Variants in PTPRC observed in about 807,000 individuals in gnomAD.
The protein encoded by PTPRC is protein tyrosine phosphatase receptor type C.
Under a neutral mutation model 155.9 loss-of-function variants are expected in PTPRC, and 44 were observed. The ratio of observed to expected loss-of-function variants is 0.28; its 90% CI spans 0.22 to 0.36. The LOEUF is 0.36. Among genes scored for constraint, PTPRC ranks in the 10% least tolerant of loss-of-function variants. The pLI is 1.00. For missense variants in PTPRC, 1,401 were observed against 1,564.6 expected, an observed-to-expected ratio of 0.90 and a Z score of 1.76; for synonymous variants, 525 against 533.1, an observed-to-expected ratio of 0.98 and a Z score of 0.21.
rs144979208 is a variant in PTPRC at position 198,705,672 on chromosome 1, C to T, written c.686-1062C>T. Among the ~76,000 whole-genome samples the T allele has an allele frequency of 1.7e-4, 26 of 152,016 alleles. 1 individual carries two copies. In the East Asian group the frequency reaches 3.9e-3, roughly 23 times the overall value. ...CTGACCTCAGGTGATCAACCTGACT[C>T]GGCCTTCCAAAATGCTAGGATTACA... On this transcript the variant is annotated intron_variant, in intron 8 of 32. Transcript: ENST00000442510.
chr1:198,710,831 A>G (rs1245564213), intron 11 of PTPRC, among the ~76,000 whole-genome samples: 4 of 152,206 alleles, frequency 2.6e-5, no homozygotes, highest in African/African-American at 9.6e-5. Context: ...TTTTTGACAA[A>G]ACTTATAAAT....
intron 2 of PTPRC, among the ~76,000 whole-genome samples, chr1:198,683,792 C>T (rs755325848): frequency 9.2e-5 from 14 of 152,018 alleles, no homozygotes; most frequent in Non-Finnish European, 1.6e-4. Flanking sequence ...TGGTTACACA[C>T]ACATAAATAT....
intron 15 of PTPRC, among the ~76,000 whole-genome samples, chr1:198,725,972 T>C (rs1284254288): frequency 6.6e-6 from 1 of 152,204 alleles, no homozygotes; most frequent in Non-Finnish European, 1.5e-5. Context: ...CATTTTCAGT[T>C]TTTTAATATT....
intron 2 of PTPRC, among the ~76,000 whole-genome samples, chr1:198,691,203 T>C (rs1239409176): frequency 6.6e-6 from 1 of 152,096 alleles, no homozygotes; most frequent in African/African-American, 2.4e-5. Context: ...TGCTGATCTA[T>C]AGCATCAGCC....
intron 2 of PTPRC, among the ~76,000 whole-genome samples, chr1:198,676,476 G>A (rs1664959481): frequency 6.6e-6 from 1 of 152,154 alleles, no homozygotes; most frequent in Non-Finnish European, 1.5e-5. Context: ...CCAAGAAAAT[G>A]GGTTTCTGAG....
At chr1:198,741,436 T>C (rs1280268481) in intron 23 of PTPRC, among the ~76,000 whole-genome samples, 4 of 151,858 alleles carry the variant, frequency 2.6e-5, no homozygotes, top group Non-Finnish European at 5.9e-5. Flanking sequence ...CAAGCAGAAG[T>C]ATTTTAAACA....
At chr1:198,657,904 A>C (rs1278514036) in intron 2 of PTPRC, 1 of 152,152 alleles carries the variant, frequency 6.6e-6, no homozygotes, top group Non-Finnish European at 1.5e-5. Flanking sequence ...CATTTGTGGC[A>C]TCTCTTCCAC....
intron 2 of PTPRC, among the ~76,000 whole-genome samples, chr1:198,669,614 TC>T (rs1273494374): frequency 6.6e-6 from 1 of 152,132 alleles, no homozygotes; most frequent in African/African-American, 2.4e-5. Flanking sequence ...GCATGGTGAA[TC>T]CCTGACTTAC....
intron 16 of PTPRC, 135 bp downstream of exon 16, chr1:198,728,583 A>G: frequency 9.8e-7 from 1 of 1,019,542 alleles, no homozygotes; most frequent in East Asian, 2.8e-5. Context: ...CCACTTCATG[A>G]CACAACTTTT....
At position 198,741,847 on chromosome 1, in the gene PTPRC, G is replaced by A; in HGVS notation, c.2404-22G>A. 3 of 1,607,352 alleles carry A rather than the reference G, an allele frequency of 1.9e-6. 1 individual carries two copies. The South Asian group carries it at 3.3e-5, about 18-fold the overall frequency. On this transcript the variant is annotated intron_variant, in intron 23 of 32. Transcript: ENST00000442510. ...TTTGCTTTAAAAAAATCATCTCAAA[G>A]AAAATATTATCTCTTGACTAGAAAA...
intron 2 of PTPRC, among the ~76,000 whole-genome samples, chr1:198,675,931 T>C (rs1427753496): frequency 6.6e-6 from 1 of 152,206 alleles, no homozygotes; most frequent in African/African-American, 2.4e-5. Flanking sequence ...CGAAATATCA[T>C]TCCTACCTTA....
rs762282903 is a variant in PTPRC at position 198,712,978 on chromosome 1, T to C, written c.1197T>C (p.Phe399=). 1.9e-6 allele frequency: 3 copies of C among 1,613,570 alleles called. No individual in the cohort carries two copies. Among genetic ancestry groups the C allele is most frequent in the Non-Finnish European group, 2.5e-6 (3 of 1,179,550 alleles). Residue 399 remains phenylalanine, a synonymous_variant, in exon 12 of 33, where the codon TTT becomes TTC. Transcript: ENST00000442510. ...FGSPGEPQII[F]CRSEAAHQGV... ...GTCCAGGAGAGCCTCAGATTATTTT[T>C]TGTAGAAGTGAAGCTGCACATCAAG...
intron 2 of PTPRC, among the ~76,000 whole-genome samples, chr1:198,656,647 TTTTTTG>T: frequency 1.3e-5 from 1 of 79,268 alleles, no homozygotes; most frequent in Non-Finnish European, 2.3e-5. Context: ...TAGTTTTTTG[TTTTTTG>T]TTTTTTTTTT....
intron 15 of PTPRC, among the ~76,000 whole-genome samples, chr1:198,727,648 C>G (rs542261649): frequency 6.6e-5 from 10 of 152,230 alleles, no homozygotes; most frequent in Admixed American, 5.9e-4. Flanking sequence ...CAGTCGGGCT[C>G]TGGAGCTGAG....
chr1:198,646,148 T>G (rs1662927159), intron 2 of PTPRC, among the ~76,000 whole-genome samples: 1 of 151,858 alleles, frequency 6.6e-6, no homozygotes, highest in African/African-American at 2.4e-5. Flanking sequence ...TTAGACCAAT[T>G]TAATTCCCTG....
At chr1:198,701,958 A>G (rs1383791406) in intron 5 of PTPRC, among the ~76,000 whole-genome samples, 1 of 152,236 alleles carries the variant, frequency 6.6e-6, no homozygotes, top group Non-Finnish European at 1.5e-5. Context: ...GGCTCTCAGC[A>G]TGTATCAAGT....
chr1:198,641,133 A>AT (rs1358241894), intron 2 of PTPRC, among the ~76,000 whole-genome samples: 1 of 152,022 alleles, frequency 6.6e-6, no homozygotes, highest in Admixed American at 6.6e-5. Context: ...GAGAGCAAAC[A>AT]TTTTTCTAAA....
chr1:198,687,643 G>A (rs1003064372), intron 2 of PTPRC, among the ~76,000 whole-genome samples: 4 of 152,036 alleles, frequency 2.6e-5, no homozygotes, highest in African/African-American at 7.2e-5. Flanking sequence ...TAGATGTTAC[G>A]TAGGTGTTTT....
At chr1:198,661,773 T>C (rs1049853316) in intron 2 of PTPRC, among the ~76,000 whole-genome samples, 2 of 152,208 alleles carry the variant, frequency 1.3e-5, no homozygotes, top group South Asian at 4.1e-4. Flanking sequence ...CTTTCTTCCT[T>C]ATAATAATAC....
Sources: gnomAD v4.1 joint callset for allele counts (sites outside exome capture counted in the v4.1 genomes callset) on GRCh38, gnomAD v4.1.1 for gene constraint, MANE v1.5 for transcripts, NCBI Gene and HGNC (gene_info 2026-07-23, HGNC 2026-07-21) for gene names.